CNOT9: variants seen among roughly 807,000 people sequenced by gnomAD.
CNOT9 encodes the protein RCD1 required for cell differentiation1 homolog.
CNOT9 carries 8 observed loss-of-function variants against 37.4 expected under a neutral mutation model. The ratio of observed to expected loss-of-function variants is 0.21; its 90% CI spans 0.13 to 0.39. The LOEUF (loss-of-function observed/expected upper bound fraction) is 0.39, where lower values mean the gene tolerates loss of function less well. Among genes scored for constraint, CNOT9 ranks in the 10% least tolerant of loss-of-function variants. CNOT9 has a pLI of 1.00. For synonymous variants in CNOT9, 120 were observed against 137.6 expected, an observed-to-expected ratio of 0.87 and a Z score of 0.90; for missense variants, 154 against 365.3, an observed-to-expected ratio of 0.42 and a Z score of 4.71.
intron 2 of CNOT9, among the ~76,000 whole-genome samples, chr2:218,582,320 T>C (rs1440253144): frequency 6.6e-6 from 1 of 152,114 alleles, no homozygotes; most frequent in East Asian, 1.9e-4. Context: ...TTATAAAAAT[T>C]TGAGTATCCC....
chr2:218,583,225 GTGTGTGTGTCTCTCTCTCTCTCTC>G (rs1367791292), intron 3 of CNOT9, 139 bp downstream of exon 3: 120 of 322,774 alleles, frequency 3.7e-4, no homozygotes, highest in African/African-American at 3.0e-3. Flanking sequence ...GTGTGTGTGT[GTGTGTGTGTCTCTCTCTCTCTCTC>G]TCTCTCTCTC....
In CNOT9 at chr2:218,568,924, G is replaced by A. The variant is rs760958122; in HGVS notation, c.-31G>A. 6.2e-7 allele frequency: 1 copy of A among 1,605,962 alleles called. No homozygotes were observed. Among genetic ancestry groups the A allele is most frequent in the South Asian group, 1.1e-5 (1 of 90,054 alleles). ...GGGGGACGCGGGTCGGACGCGTCCGGCTGTGGAAGAGAGCGGCGGCCGCTC... is the reference window on the plus strand; with the variant it reads ...GGGGGACGCGGGTCGGACGCGTCCGACTGTGGAAGAGAGCGGCGGCCGCTC... On this transcript the variant is annotated 5_prime_UTR_variant, in exon 1 of 8. Transcript: ENST00000273064.
chr2:218,592,269 AACTTTATAAACTCTTCG>A lies in CNOT9; in HGVS notation c.541-33_541-17del. 4 of 1,480,250 alleles carry A rather than the reference AACTTTATAAACTCTTCG, an allele frequency of 2.7e-6. No individual in the cohort carries two copies. Among genetic ancestry groups the A allele is most frequent in the Non-Finnish European group, 3.8e-6 (4 of 1,063,942 alleles). The allele number at this position is 1,480,250 out of a possible 1,614,324, so 91.7% of individuals were successfully genotyped here. A position where few individuals can be genotyped will look rare whatever the true frequency, so the allele number is the denominator to read the frequency against. ...GAAAATGAGAAGATTAAATCTGAGC[AACTTTATAAACTCTTCG>A]ATTTTGTTTTGCTTCAGGTTGCCAC... On this transcript the variant is annotated intron_variant, in intron 5 of 7. Coordinates refer to ENST00000273064, the MANE Select transcript of CNOT9 (RefSeq NM_005444.3). This position sits in a 1 kb window ranked among gnomAD's most constrained non-coding sequence, Gnocchi z 4.1.
At chr2:218,583,365 G>A (rs886983190) in intron 3 of CNOT9, among the ~76,000 whole-genome samples, 1 of 151,766 alleles carries the variant, frequency 6.6e-6, no homozygotes, top group Non-Finnish European at 1.5e-5. Flanking sequence ...AAAGGTATCA[G>A]GCATACAGCT....
intron 1 of CNOT9, among the ~76,000 whole-genome samples, chr2:218,571,738 A>ATTTTTT: frequency 8.1e-6 from 1 of 122,826 alleles, no homozygotes; most frequent in Non-Finnish European, 1.7e-5. Flanking sequence ...CGCCTGGCTA[A>ATTTTTT]TTTTTTTTTT....
chr2:218,589,833 A>G (rs1048900519), intron 5 of CNOT9, among the ~76,000 whole-genome samples: 9 of 152,320 alleles, frequency 5.9e-5, no homozygotes, highest in African/African-American at 1.9e-4. Context: ...TTTATTTTAA[A>G]TATTCAATAT....
chr2:218,593,688 A>G (rs1019871168), intron 7 of CNOT9: 19 of 1,261,540 alleles, frequency 1.5e-5, no homozygotes, highest in African/African-American at 4.5e-5. Context: ...ACACAAATTG[A>G]TAACTTAGTA....
chr2:218,580,991 C>G (rs1443204267), intron 2 of CNOT9: 3 of 575,690 alleles, frequency 5.2e-6, no homozygotes, highest in Non-Finnish European at 9.8e-6. Flanking sequence ...TTCACCTCCC[C>G]CAGGTGATTG....
At chr2:218,575,731 CAAAA>C (rs1291673758) in intron 1 of CNOT9, among the ~76,000 whole-genome samples, 3 of 152,056 alleles carry the variant, frequency 2.0e-5, no homozygotes, top group African/African-American at 7.2e-5. Flanking sequence ...GTCTGGGCCT[CAAAA>C]AATGTCAACC....
At chr2:218,580,808 C>A in intron 2 of CNOT9, 68 bp downstream of exon 2, 1 of 1,419,768 alleles carries the variant, frequency 7.0e-7, no homozygotes, top group Admixed American at 1.9e-5. Context: ...TTACCTTTGC[C>A]CAAATGATTT....
chr2:218,592,410 C>A lies in CNOT9; in HGVS notation c.639+8C>A. The A allele has an allele frequency of 1.9e-6, 3 of 1,604,662 alleles. No individual in the cohort carries two copies. The highest frequency in any genetic ancestry group is 2.6e-6 in the Non-Finnish European group (3 of 1,171,542). ...CATGTTGCCATGATCTTGGTGAGTTCTTTCATCTATCCCCTTTACAACTAC... is the reference window on the plus strand; with the variant it reads ...CATGTTGCCATGATCTTGGTGAGTTATTTCATCTATCCCCTTTACAACTAC... On this transcript the variant is annotated splice_region_variant and intron_variant, in intron 6 of 7. Coordinates refer to ENST00000273064, the MANE Select transcript of CNOT9 (RefSeq NM_005444.3). This position sits in a 1 kb window ranked among gnomAD's most constrained non-coding sequence, Gnocchi z 4.1.
At chr2:218,591,618 C>T (rs182443619) in intron 5 of CNOT9, among the ~76,000 whole-genome samples, 1 of 152,126 alleles carries the variant, frequency 6.6e-6, no homozygotes, top group East Asian at 1.9e-4. Flanking sequence ...TGGCAGGAGC[C>T]TGTAATCCTA....
At chr2:218,576,966 C>A (rs200974121) in intron 1 of CNOT9, among the ~76,000 whole-genome samples, 107 of 136,920 alleles carry the variant, frequency 7.8e-4, no homozygotes, top group South Asian at 1.2e-3. Flanking sequence ...GGCTCCATCT[C>A]AAAAAAAAAA....
At position 218,568,919 on chromosome 2, in the gene CNOT9, G is replaced by C. The variant is rs1300292071; in HGVS notation, c.-36G>C. The C allele has an allele frequency of 6.2e-7, 1 of 1,602,108 alleles. No individual in the cohort carries two copies. Among genetic ancestry groups the C allele is most frequent in the African/African-American group, 1.3e-5 (1 of 74,556 alleles). ...TGAAGGGGGGACGCGGGTCGGACGC[G>C]TCCGGCTGTGGAAGAGAGCGGCGGC... is the stretch of plus-strand genomic sequence containing the variant. On this transcript the variant is annotated 5_prime_UTR_variant, in exon 1 of 8. Coordinates refer to ENST00000273064, the MANE Select transcript of CNOT9 (RefSeq NM_005444.3).
chr2:218,583,046 C>T lies in CNOT9; in HGVS notation c.280C>T (p.Leu94=). 6.2e-7 allele frequency: 1 copy of T among 1,613,910 alleles called. No homozygotes were observed. The highest frequency in any genetic ancestry group is 8.5e-7 in the Non-Finnish European group (1 of 1,179,824). Residue 94 remains leucine (L), a synonymous_variant, in exon 3 of 8, where the codon CTG becomes TTG. Coordinates refer to ENST00000273064, the MANE Select transcript of CNOT9 (RefSeq NM_005444.3). ...CCAGTCTAACAGAGTTTGCAATGCTCTGGCATTACTGCAATGTGTAGCATC... is the reference window on the plus strand; with the variant it reads ...CCAGTCTAACAGAGTTTGCAATGCTTTGGCATTACTGCAATGTGTAGCATC... ...AHQSNRVCNA[L]ALLQCVASHP...
chr2:218,572,381 G>A (rs1353313253), intron 1 of CNOT9, among the ~76,000 whole-genome samples: 1 of 151,914 alleles, frequency 6.6e-6, no homozygotes, highest in African/African-American at 2.4e-5. Flanking sequence ...TTCACTCACT[G>A]ATATGTGACT....
At chr2:218,575,246 A>T (rs1393026634) in intron 1 of CNOT9, among the ~76,000 whole-genome samples, 1 of 152,188 alleles carries the variant, frequency 6.6e-6, no homozygotes, top group Non-Finnish European at 1.5e-5. Flanking sequence ...AATTTGATAA[A>T]CAGATTCTTA....
chr2:218,579,491 G>C (rs537233382), intron 1 of CNOT9, among the ~76,000 whole-genome samples: 1 of 151,984 alleles, frequency 6.6e-6, no homozygotes. Flanking sequence ...TTTGTTTTCT[G>C]CATTTTTGTT....
intron 1 of CNOT9, among the ~76,000 whole-genome samples, chr2:218,576,980 A>AT (rs1306112310): frequency 1.3e-5 from 2 of 151,628 alleles, no homozygotes; most frequent in African/African-American, 4.9e-5. Context: ...AAAAAAAAAA[A>AT]AGTCATCTTT....
Sources: gnomAD v4.1 joint callset for allele counts (sites outside exome capture counted in the v4.1 genomes callset) on GRCh38, gnomAD v4.1.1 for gene constraint, Gnocchi (gnomAD v3.1) non-coding constraint, MANE v1.5 for transcripts, NCBI Gene and HGNC (gene_info 2026-07-23, HGNC 2026-07-21) for gene names.